ADCY1: variants seen among roughly 807,000 people sequenced by gnomAD.
ADCY1 encodes adenylate cyclase 1, also known as adenylate cyclase type 1.
ADCY1 carries 28 observed loss-of-function variants against 105.4 expected under a neutral mutation model. That is an observed-to-expected ratio of 0.27 (90% confidence interval 0.20 to 0.36). The LOEUF (loss-of-function observed/expected upper bound fraction) is 0.36. Among genes scored for constraint, ADCY1 ranks in the 10% least tolerant of loss-of-function variants. The pLI is 1.00. For missense variants in ADCY1, 977 were observed against 1,434.2 expected, an observed-to-expected ratio of 0.68 and a Z score of 5.15; for synonymous variants, 655 against 623.8, an observed-to-expected ratio of 1.05 and a Z score of -0.75.
At chr7:45,652,763 G>A (rs927082926) in intron 5 of ADCY1, among the ~76,000 whole-genome samples, 2 of 152,160 alleles carry the variant, frequency 1.3e-5, no homozygotes, top group African/African-American at 4.8e-5. Context: ...TGCAGGGTGG[G>A]GCATCTCTTT....
chr7:45,659,848 G>T (rs1050248393), intron 6 of ADCY1, among the ~76,000 whole-genome samples, 194 bp from the exon 7 acceptor site: 1 of 152,132 alleles, frequency 6.6e-6, no homozygotes, highest in Admixed American at 6.5e-5. Context: ...CATGGTTCCT[G>T]ATGGCCCTAC....
At chr7:45,648,610 A>C in intron 4 of ADCY1, 60 bp from the exon 5 acceptor site, 1 of 1,605,904 alleles carries the variant, frequency 6.2e-7, no homozygotes. Context: ...TGGAGCCAGC[A>C]GTGGCGCTCA....
chr7:45,659,944 G>T, intron 6 of ADCY1, 98 bp from the exon 7 acceptor site: 1 of 1,477,764 alleles, frequency 6.8e-7, no homozygotes. Context: ...CTGGTGTGGG[G>T]AAGCCTCTGT....
rs1341339814 is a variant in ADCY1 at position 45,721,157 on chromosome 7, C to G, written c.*7162C>G. On this transcript the variant is annotated 3_prime_UTR_variant, in exon 20 of 20. Transcript: ENST00000297323. ...CTCAGCAGGTGGGTTCTGAATGCAGCCAAGGCTGTCCCCGCAATGGGTGAG... is the reference window on the plus strand; with the variant it reads ...CTCAGCAGGTGGGTTCTGAATGCAGGCAAGGCTGTCCCCGCAATGGGTGAG... 2.0e-5 allele frequency: 3 copies of G among 152,254 alleles called. No individual in the cohort carries two copies. Among genetic ancestry groups the G allele is most frequent in the African/African-American group, 7.2e-5 (3 of 41,444 alleles). The allele number at this position is 152,254 out of a possible 1,614,324, so 9.4% of individuals were successfully genotyped here.
rs1418898065 is a variant in ADCY1, at chr7:45,625,751, T to G, written c.1020+3008T>G. 2.6e-5 allele frequency among the ~76,000 whole-genome samples: 4 copies of G among 152,212 alleles called. No individual in the cohort carries two copies. In the East Asian group the frequency reaches 7.7e-4, roughly 29 times the overall value. ...TGTGTGTCCCCTGTGGGTCACCACC[T>G]TTGGTTGGGAACATTCTCTTGGAGA... On this transcript the variant is annotated intron_variant, in intron 4 of 19. Transcript: ENST00000297323.
intron 4 of ADCY1, among the ~76,000 whole-genome samples, chr7:45,629,494 C>T (rs11972999): frequency 0.4 from 60,675 of 150,852 alleles, 12,632 homozygotes; most frequent in East Asian, 0.71. Flanking sequence ...AAAAACATGG[C>T]AGATGTATGC....
intron 14 of ADCY1, among the ~76,000 whole-genome samples, chr7:45,695,650 G>A (rs1784866544): frequency 6.6e-6 from 1 of 152,242 alleles, no homozygotes; most frequent in Non-Finnish European, 1.5e-5. Flanking sequence ...ATCTGGGTTA[G>A]AAGGACGCAG....
chr7:45,667,995 C>A lies in ADCY1; in HGVS notation c.1605+5781C>A, dbSNP rs553810954. Among the ~76,000 whole-genome samples the A allele has an allele frequency of 1.2e-4, 19 of 152,294 alleles. No homozygotes were observed. In the South Asian group the frequency reaches 3.5e-3, roughly 28 times the overall value. The stretch of plus-strand genomic sequence containing the variant: ...ATTGATTTTGTATCCTGAGACTTTG[C>A]TGAAGTTGCTTATCAGCTTAAGGAG... On this transcript the variant is annotated intron_variant, in intron 8 of 19. Transcript: ENST00000297323.
rs1157649159 is a variant in ADCY1 at position 45,717,834 on chromosome 7, C to T, written c.*3839C>T. On this transcript the variant is annotated 3_prime_UTR_variant, in exon 20 of 20. Coordinates refer to ENST00000297323, the MANE Select transcript of ADCY1 (RefSeq NM_021116.4). The stretch of plus-strand genomic sequence containing the variant: ...AAGTTGCCAGCCCGTGTTTCTCAGA[C>T]TTTAAAGCCACCAGGGCTTCTGGAA... The T allele has an allele frequency of 6.6e-6, 1 of 152,624 alleles. No individual in the cohort carries two copies. Among genetic ancestry groups the T allele is most frequent in the Non-Finnish European group, 1.5e-5 (1 of 68,082 alleles). The allele number at this position is 152,624 out of a possible 1,614,324, so 9.5% of individuals were successfully genotyped here.
intron 14 of ADCY1, among the ~76,000 whole-genome samples, chr7:45,687,756 A>G (rs1784712911): frequency 1.3e-5 from 2 of 152,330 alleles, no homozygotes; most frequent in Middle Eastern, 3.4e-3. Flanking sequence ...GTAACATGCC[A>G]GAGTCGGGCA....
chr7:45,599,583 C>T (rs1793169289), intron 2 of ADCY1, among the ~76,000 whole-genome samples: 1 of 151,030 alleles, frequency 6.6e-6, no homozygotes, highest in African/African-American at 2.4e-5. Flanking sequence ...GCGGCATGTC[C>T]TCGGGGGCTG....
intron 14 of ADCY1, among the ~76,000 whole-genome samples, chr7:45,702,429 G>A (rs1785015887): frequency 6.6e-6 from 1 of 152,222 alleles, no homozygotes; most frequent in South Asian, 2.1e-4. Flanking sequence ...GGCTTGTGGT[G>A]GCCAGGCCAT....
At chr7:45,622,051 A>G (rs1584277296) in intron 3 of ADCY1, among the ~76,000 whole-genome samples, 1 of 152,200 alleles carries the variant, frequency 6.6e-6, no homozygotes, top group Middle Eastern at 3.4e-3. Flanking sequence ...ATAAATAGAC[A>G]CTCAGTACGT....
chr7:45,708,521 C>CCCTAGGTGGGTG lies in ADCY1; in HGVS notation c.2932+57_2932+58insCCTAGGTGGGTG. On this transcript the variant is annotated intron_variant, in intron 18 of 19. Coordinates refer to ENST00000297323, the MANE Select transcript of ADCY1 (RefSeq NM_021116.4). This position sits in a 1 kb window ranked among gnomAD's most constrained non-coding sequence, Gnocchi z 4.7. ...ATGTGGAACACCTTCCTACACCCAC[C>CCCTAGGTGGGTG]TAGGGGTGGGATCAGCTGATGAGGT... 9.5e-6 allele frequency: 13 copies of CCCTAGGTGGGTG among 1,365,766 alleles called. No individual in the cohort carries two copies. The highest frequency in any genetic ancestry group is 1.4e-5 in the Non-Finnish European group (13 of 958,878). The allele number at this position is 1,365,766 out of a possible 1,614,324, so 84.6% of individuals were successfully genotyped here.
chr7:45,579,387 C>T (rs567009174), intron 1 of ADCY1, among the ~76,000 whole-genome samples: 26 of 152,086 alleles, frequency 1.7e-4, no homozygotes, highest in Admixed American at 8.5e-4. Context: ...CCTTCCTCCC[C>T]GGCTGGGATC....
chr7:45,702,963 G>C (rs954262185), intron 14 of ADCY1, among the ~76,000 whole-genome samples: 5 of 152,344 alleles, frequency 3.3e-5, no homozygotes, highest in East Asian at 1.9e-4. Context: ...GAAGGTGTCT[G>C]CCCCACCTGG....
In ADCY1 at chr7:45,686,002, G is replaced by A; in HGVS notation, c.2114G>A (p.Ser705Asn). 1 of 1,614,078 alleles carries A rather than the reference G, an allele frequency of 6.2e-7. No homozygotes were observed. The highest frequency in any genetic ancestry group is 1.1e-5 in the South Asian group (1 of 91,050). Reference protein sequence around the residue: ...LPWAWSSKPNSSLVVLSSGGQ... With the variant: ...LPWAWSSKPNNSLVVLSSGGQ... ...TGGGCCTGGAGCTCCAAGCCCAACA[G>A]TTCCCTGGTGGTCCTTTCGTCTGGG... Residue 705 changes from serine (S) to asparagine (N), a missense_variant, in exon 13 of 20, where the codon AGT becomes AAT. Physicochemically the swap from Ser to Asn is conservative, Grantham distance 46. Coordinates refer to ENST00000297323, the MANE Select transcript of ADCY1 (RefSeq NM_021116.4). The surrounding 1 kb of genome is among the most constrained non-coding windows in gnomAD (Gnocchi z 4.3).
chr7:45,684,318 G>A (rs1784623951), intron 11 of ADCY1: 1 of 152,292 alleles, frequency 6.6e-6, no homozygotes, highest in Non-Finnish European at 1.5e-5. Context: ...AGTTAGTAAT[G>A]ATCTGACCTC....
rs555188725 is a variant in ADCY1, at chr7:45,647,216, G to A, written c.1021-1454G>A. Reference sequence around the variant, plus strand: ...TCTGGGAAGATACTTCCATGGACAGGCCATTCAGCTGCTAGGCCAATCCCT... The same window carrying A: ...TCTGGGAAGATACTTCCATGGACAGACCATTCAGCTGCTAGGCCAATCCCT... On this transcript the variant is annotated intron_variant, in intron 4 of 19. Transcript: ENST00000297323. This position sits in a 1 kb window ranked among gnomAD's most constrained non-coding sequence, Gnocchi z 4.6. Among the ~76,000 whole-genome samples the A allele has an allele frequency of 2.5e-4, 38 of 152,332 alleles. No individual in the cohort carries two copies. Among genetic ancestry groups the A allele is most frequent in the African/African-American group, 9.1e-4 (38 of 41,580 alleles).
Sources: gnomAD v4.1 joint callset for allele counts (sites outside exome capture counted in the v4.1 genomes callset) on GRCh38, gnomAD v4.1.1 for gene constraint, Gnocchi (gnomAD v3.1) non-coding constraint, MANE v1.5 for transcripts, NCBI Gene and HGNC (gene_info 2026-07-23, HGNC 2026-07-21) for gene names.